Variants in GABRG3 observed in about 807,000 individuals in gnomAD.
The protein encoded by GABRG3 is gamma-aminobutyric acid receptor subunit gamma-3.
GABRG3 carries 25 observed loss-of-function variants against 48.8 expected under a neutral mutation model. The observed-to-expected ratio is 0.51, with a 90% CI of 0.37 to 0.72. The LOEUF (loss-of-function observed/expected upper bound fraction) is 0.72. Among genes scored for constraint, GABRG3 ranks in the 30% least tolerant of loss-of-function variants. GABRG3 has a pLI of 0.00. For synonymous variants in GABRG3, 227 were observed against 217.6 expected, an observed-to-expected ratio of 1.04 and a Z score of -0.38; for missense variants, 394 against 577.9, an observed-to-expected ratio of 0.68 and a Z score of 3.26.
At chr15:27,281,433 G>A (rs755490155) in intron 3 of GABRG3, among the ~76,000 whole-genome samples, 1 of 150,138 alleles carries the variant, frequency 6.7e-6, no homozygotes, top group Non-Finnish European at 1.5e-5. Context: ...TGAAAGGATA[G>A]CATCTCTCTG....
chr15:27,262,753 GTAA>G (rs1306874616), intron 3 of GABRG3, among the ~76,000 whole-genome samples: 1 of 152,170 alleles, frequency 6.6e-6, no homozygotes, highest in Non-Finnish European at 1.5e-5. Flanking sequence ...TGGAGTCCAC[GTAA>G]TTATATGCCT....
intron 3 of GABRG3, among the ~76,000 whole-genome samples, chr15:27,309,101 C>T (rs902443470): frequency 2.9e-5 from 4 of 139,078 alleles, no homozygotes; most frequent in South Asian, 2.1e-4. Context: ...AATGTAAACA[C>T]AGATGTTTAT....
chr15:27,402,534 C>T (rs528088118), intron 5 of GABRG3, among the ~76,000 whole-genome samples: 1 of 152,190 alleles, frequency 6.6e-6, no homozygotes, highest in East Asian at 1.9e-4. Context: ...TAGGAATCCT[C>T]AAGAAATATA....
chr15:27,459,635 T>TA (rs1566850289), intron 5 of GABRG3, among the ~76,000 whole-genome samples: 1 of 152,104 alleles, frequency 6.6e-6, no homozygotes, highest in Non-Finnish European at 1.5e-5. Context: ...AAATATTTTT[T>TA]AAAAAAGAAA....
At chr15:27,472,806 A>G (rs1028143412) in intron 5 of GABRG3, among the ~76,000 whole-genome samples, 9 of 152,080 alleles carry the variant, frequency 5.9e-5, no homozygotes, top group African/African-American at 1.9e-4. Context: ...ACATATATAC[A>G]TATGTATGTA....
chr15:27,256,214 G>A (rs1171603272), intron 3 of GABRG3, among the ~76,000 whole-genome samples: 5 of 151,944 alleles, frequency 3.3e-5, no homozygotes, highest in Admixed American at 6.6e-5. Flanking sequence ...AGGCCGAGGC[G>A]GGCGGATCAG....
intron 3 of GABRG3, among the ~76,000 whole-genome samples, chr15:27,258,807 G>A (rs1459080188): frequency 1.3e-5 from 2 of 151,968 alleles, no homozygotes; most frequent in Non-Finnish European, 2.9e-5. Flanking sequence ...ATAGTTAACC[G>A]TATTCACCCT....
At chr15:27,138,689 T>C (rs1898051311) in intron 3 of GABRG3, among the ~76,000 whole-genome samples, 2 of 152,172 alleles carry the variant, frequency 1.3e-5, no homozygotes, top group South Asian at 4.1e-4. Flanking sequence ...TCGTCATCTT[T>C]TGTTATGTTC....
At chr15:27,070,617 G>C (rs1025741196) in intron 3 of GABRG3, among the ~76,000 whole-genome samples, 1 of 152,170 alleles carries the variant, frequency 6.6e-6, no homozygotes, top group Non-Finnish European at 1.5e-5. Context: ...TGAAGTAGAG[G>C]ATTTGATGAA....
intron 5 of GABRG3, among the ~76,000 whole-genome samples, chr15:27,461,241 A>G (rs1889438506): frequency 6.6e-6 from 1 of 152,192 alleles, no homozygotes; most frequent in Non-Finnish European, 1.5e-5. Flanking sequence ...CAAGCTGTCA[A>G]AAATAGCACA....
intron 3 of GABRG3, among the ~76,000 whole-genome samples, chr15:27,051,669 A>T (rs1438969349): frequency 4.6e-5 from 7 of 152,218 alleles, no homozygotes. Flanking sequence ...TTCATGGAAG[A>T]CAGTTTTTCC....
At chr15:27,173,686 A>C (rs562749008) in intron 3 of GABRG3, among the ~76,000 whole-genome samples, 143 of 149,220 alleles carry the variant, frequency 9.6e-4, no homozygotes, top group Admixed American at 1.7e-3. Context: ...TGGGCAACAG[A>C]GCAAGATACT....
chr15:27,261,283 G>C (rs1396733584), intron 3 of GABRG3, among the ~76,000 whole-genome samples: 1 of 151,992 alleles, frequency 6.6e-6, no homozygotes, highest in East Asian at 1.9e-4. Context: ...ATCCATATTG[G>C]GAAGACTGGT....
intron 3 of GABRG3, among the ~76,000 whole-genome samples, chr15:27,172,541 C>G (rs1044347001): frequency 4.6e-5 from 7 of 152,134 alleles, no homozygotes; most frequent in African/African-American, 9.7e-5. Flanking sequence ...AACTCCTCTG[C>G]GACACTCTGC....
intron 3 of GABRG3, among the ~76,000 whole-genome samples, chr15:27,106,199 CG>C (rs1310582424): frequency 6.6e-6 from 1 of 151,962 alleles, no homozygotes; most frequent in East Asian, 1.9e-4. Flanking sequence ...AGTTTCTAGA[CG>C]TCTAATGCAT....
intron 6 of GABRG3, 135 bp from the exon 7 acceptor site, chr15:27,519,836 AT>A: frequency 1.5e-6 from 1 of 672,268 alleles, no homozygotes; most frequent in Non-Finnish European, 2.5e-6. Flanking sequence ...ATTTTGATCC[AT>A]TTCCTGATTT....
intron 3 of GABRG3, among the ~76,000 whole-genome samples, chr15:27,314,629 A>G (rs1893149384): frequency 6.6e-6 from 1 of 152,344 alleles, no homozygotes; most frequent in East Asian, 1.9e-4. Context: ...TTGTTGCACC[A>G]GTAGGAATAA....
intron 3 of GABRG3, among the ~76,000 whole-genome samples, chr15:27,251,363 T>C (rs1410805038): frequency 6.6e-6 from 1 of 152,048 alleles, no homozygotes; most frequent in Non-Finnish European, 1.5e-5. Flanking sequence ...CCCAGACAGG[T>C]TGGAAGAAGG....
intron 3 of GABRG3, among the ~76,000 whole-genome samples, chr15:27,058,875 T>A (rs1193114091): frequency 6.6e-6 from 1 of 152,174 alleles, no homozygotes; most frequent in African/African-American, 2.4e-5. Context: ...TAGTACATAT[T>A]TCTGAAAAGC....
Sources: allele counts gnomAD v4.1 joint callset (sites outside exome capture counted in the v4.1 genomes callset), GRCh38; gene constraint gnomAD v4.1.1; transcripts MANE v1.5; gene names NCBI Gene and HGNC (gene_info 2026-07-23, HGNC 2026-07-21).